Variants in JAK1 observed in about 807,000 individuals in gnomAD.
JAK1 encodes the protein tyrosine-protein kinase JAK1.
JAK1 carries 16 observed loss-of-function variants against 136.6 expected under a neutral mutation model. That is an observed-to-expected ratio of 0.12 (90% confidence interval 0.08 to 0.18). JAK1 has a LOEUF of 0.18. Ranked by LOEUF, JAK1 falls within the 10% of genes least tolerant of loss-of-function variation. The pLI, the probability that JAK1 is intolerant of heterozygous loss-of-function variation, is 1.00. For missense variants in JAK1, 859 were observed against 1,450.1 expected, an observed-to-expected ratio of 0.59 and a Z score of 6.62; for synonymous variants, 492 against 519.5, an observed-to-expected ratio of 0.95 and a Z score of 0.72.
intron 10 of JAK1, among the ~76,000 whole-genome samples, chr1:64,856,721 C>T (rs1474773097): frequency 2.0e-5 from 3 of 152,232 alleles, no homozygotes; most frequent in African/African-American, 7.2e-5. Flanking sequence ...CGAGGCCCAG[C>T]TGTTCAGCAA....
intron 24 of JAK1, 73 bp downstream of exon 24, chr1:64,835,323 A>T (rs1654408508): frequency 1.3e-6 from 1 of 764,544 alleles, no homozygotes; most frequent in Non-Finnish European, 2.2e-6. Flanking sequence ...CCCTCTACCC[A>T]TTGCTGGACA....
upstream of JAK1, among the ~76,000 whole-genome samples, chr1:64,971,107 C>G (rs1646448302): frequency 6.6e-6 from 1 of 152,152 alleles, no homozygotes; most frequent in Non-Finnish European, 1.5e-5. Flanking sequence ...CCCCATTGTA[C>G]AAATCATGAA....
intron 11 of JAK1, among the ~76,000 whole-genome samples, chr1:64,851,891 T>G (rs1200998972): frequency 6.6e-6 from 1 of 152,128 alleles, no homozygotes; most frequent in African/African-American, 2.4e-5. Flanking sequence ...AATAACAAGT[T>G]AGGGGAGAAA....
At chr1:65,050,983 C>T (rs992723198) in intron 1 of JAK1, among the ~76,000 whole-genome samples, 2 of 151,972 alleles carry the variant, frequency 1.3e-5, no homozygotes, top group Admixed American at 6.6e-5. Context: ...CACAGGCGCT[C>T]AACAAATATT....
rs1404108315 is a variant in JAK1, at chr1:65,013,469, C to T, written c.-78+31011G>A. 3.9e-5 allele frequency among the ~76,000 whole-genome samples: 6 copies of T among 152,002 alleles called. No homozygotes were observed. The East Asian group carries it at 9.7e-4, about 24-fold the overall frequency. ...CATCAATGGAATTGGAATTCAAAGG[C>T]TACATTTTCCCCAAATTTCTACCCT... On this transcript the variant is annotated intron_variant, in intron 2 of 25. Coordinates refer to the JAK1 transcript ENST00000671954.
intron 1 of JAK1, among the ~76,000 whole-genome samples, chr1:64,898,682 G>A (rs1177832219): frequency 6.6e-6 from 1 of 152,154 alleles, no homozygotes; most frequent in Non-Finnish European, 1.5e-5. Context: ...ACTTCAGTTA[G>A]CAAAATTTGC....
chr1:64,914,432 G>A (rs1036688235), intron 1 of JAK1, among the ~76,000 whole-genome samples: 2 of 152,198 alleles, frequency 1.3e-5, no homozygotes, highest in African/African-American at 4.8e-5. Flanking sequence ...AAAGTTTAGA[G>A]GTTGTAAAGT....
chr1:64,966,689 C>A (rs1167802696), upstream of JAK1, among the ~76,000 whole-genome samples: 1 of 150,956 alleles, frequency 6.6e-6, no homozygotes, highest in Non-Finnish European at 1.5e-5. Context: ...TCTGCGCCTC[C>A]GGCCTACCCG....
At position 64,844,251 on chromosome 1, in the gene JAK1, T is replaced by C; in HGVS notation, c.2252-36A>G. Reference sequence around the variant, plus strand: ...ACAGACACACTGATGGAGCAGTTTCTGGGATCTCCTAGGGATTCAATTACT... The same window carrying C: ...ACAGACACACTGATGGAGCAGTTTCCGGGATCTCCTAGGGATTCAATTACT... On this transcript the variant is annotated intron_variant, in intron 16 of 24. Coordinates refer to ENST00000342505, the MANE Select transcript of JAK1 (RefSeq NM_002227.4). The surrounding 1 kb of genome is among the most constrained non-coding windows in gnomAD (Gnocchi z 5.7). The C allele has an allele frequency of 6.2e-7, 1 of 1,613,318 alleles. No individual in the cohort carries two copies. Among genetic ancestry groups the C allele is most frequent in the Non-Finnish European group, 8.5e-7 (1 of 1,179,258 alleles).
intron 1 of JAK1, among the ~76,000 whole-genome samples, chr1:64,923,212 C>T (rs1459801986): frequency 6.6e-6 from 1 of 152,148 alleles, no homozygotes; most frequent in Non-Finnish European, 1.5e-5. Context: ...ATAATTAGCA[C>T]TTCATTAAAT....
rs765889808 is a variant in JAK1, at chr1:64,866,984, A to G, written c.872T>C (p.Leu291Ser). Residue 291 changes from leucine (L) to serine (S), a missense_variant, in exon 7 of 25, where the codon TTA (leucine) becomes TCA (serine). Physicochemically the swap from Leu to Ser is moderately radical, Grantham distance 145. Coordinates refer to ENST00000342505, the MANE Select transcript of JAK1 (RefSeq NM_002227.4). ...YGAEIFETSM[L>S]LISSENEMNW... is the part of the protein sequence containing the mutation. ...CATCTCATTTTCTGATGAAATCAGT[A>G]ACATGGAAGTCTCAAATATTTCAGC... The G allele has an allele frequency of 6.2e-7, 1 of 1,614,100 alleles. No homozygotes were observed. The highest frequency in any genetic ancestry group is 8.5e-7 in the Non-Finnish European group (1 of 1,180,002).
intron 1 of JAK1, among the ~76,000 whole-genome samples, chr1:64,949,115 A>G (rs1646038118): frequency 6.6e-6 from 1 of 152,232 alleles, no homozygotes; most frequent in Admixed American, 6.5e-5. Flanking sequence ...CTTAATCCTA[A>G]CAGCAAAGGG....
At chr1:64,873,544 T>C (rs1657206190) in intron 4 of JAK1, 21 bp from the exon 5 acceptor site, 1 of 1,613,874 alleles carries the variant, frequency 6.2e-7, no homozygotes, top group Admixed American at 1.7e-5. Flanking sequence ...GGAAAATGAA[T>C]GCCAATTGTG....
At chr1:64,902,583 A>AGAGAGAGAGAGAGAGTGTGTGTGTGTGT in intron 1 of JAK1, among the ~76,000 whole-genome samples, 2 of 73,756 alleles carry the variant, frequency 2.7e-5, no homozygotes, top group African/African-American at 1.2e-4. Flanking sequence ...AGAGAGAGAG[A>AGAGAGAGAGAGAGAGTGTGTGTGTGTGT]GTGTGTGTGT....
chr1:64,942,154 T>C (rs1328765754), intron 1 of JAK1: 2 of 152,154 alleles, frequency 1.3e-5, no homozygotes, highest in East Asian at 3.8e-4. Context: ...TGGATGGAAG[T>C]AGGTATTTTG....
chr1:65,009,420 A>T (rs1646831168), intron 2 of JAK1, among the ~76,000 whole-genome samples: 1 of 152,216 alleles, frequency 6.6e-6, no homozygotes, highest in South Asian at 2.1e-4. Flanking sequence ...TGACATTTAC[A>T]TTTTATGACA....
intron 1 of JAK1, among the ~76,000 whole-genome samples, chr1:65,060,720 G>A (rs1025546252): frequency 1.1e-4 from 16 of 152,092 alleles, no homozygotes; most frequent in Non-Finnish European, 2.4e-4. Flanking sequence ...CAGTTTCAAG[G>A]AAGAAAAATA....
At chr1:64,868,618 G>C (rs1163054789) in intron 6 of JAK1, among the ~76,000 whole-genome samples, 1 of 152,160 alleles carries the variant, frequency 6.6e-6, no homozygotes, top group Admixed American at 6.5e-5. Flanking sequence ...CAAGCGCAAG[G>C]AGAAACAAGC....
chr1:64,980,380 A>G (rs986105831), intron 2 of JAK1, among the ~76,000 whole-genome samples: 3 of 152,198 alleles, frequency 2.0e-5, no homozygotes, highest in South Asian at 2.1e-4. Flanking sequence ...GTAGGTAGGT[A>G]GGAATCACAG....
Sources: allele counts gnomAD v4.1 joint callset (sites outside exome capture counted in the v4.1 genomes callset), GRCh38; gene constraint gnomAD v4.1.1; non-coding constraint Gnocchi (gnomAD v3.1); transcripts MANE v1.5; gene names NCBI Gene and HGNC (gene_info 2026-07-23, HGNC 2026-07-21).